The following PCDHGA2 variants were observed in gnomAD, a reference collection of about 807,000 sequenced individuals.
The protein encoded by PCDHGA2 is protocadherin gamma subfamily A, 2.
In PCDHGA2, 40 loss-of-function variants were observed where a neutral mutation model predicts 59.2. The ratio of observed to expected loss-of-function variants is 0.68; its 90% CI spans 0.52 to 0.88. PCDHGA2 has a LOEUF of 0.88. PCDHGA2 is among the 40% of genes least tolerant of loss of function. The pLI, the probability that PCDHGA2 is intolerant of heterozygous loss-of-function variation, is 0.00. For missense variants in PCDHGA2, 1,226 were observed against 1,204.0 expected, an observed-to-expected ratio of 1.02 and a Z score of -0.27; for synonymous variants, 560 against 526.0, an observed-to-expected ratio of 1.06 and a Z score of -0.89.
chr5:141,435,952 G>A lies in PCDHGA2; in HGVS notation c.2425-58855G>A, dbSNP rs944960593. ...TTGCTGCTTCTGAGACCAAAAAAGG[G>A]GGCAAAATATAGAGTGTGTGGTTCT... is the stretch of plus-strand genomic sequence containing the variant. On this transcript the variant is annotated intron_variant, in intron 1 of 3. Transcript: ENST00000394576. Among the ~76,000 whole-genome samples the A allele has an allele frequency of 2.6e-5, 4 of 152,098 alleles. No individual in the cohort carries two copies. The South Asian group carries it at 8.3e-4, about 32-fold the overall frequency.
chr5:141,430,750 G>A (rs746434313), intron 1 of PCDHGA2: 2 of 1,500,586 alleles, frequency 1.3e-6, no homozygotes, highest in Non-Finnish European at 1.8e-6. Context: ...AATTCTGGAG[G>A]AAGATAAGAA....
At position 141,409,564 on chromosome 5, in the gene PCDHGA2, G is replaced by C. The variant is rs374234556; in HGVS notation, c.2424+68169G>C. ...ACGACAACGCCCCAGTTTTCGACCA[G>C]ACGTCCTACGTGGTCCACGTGGCCG... On this transcript the variant is annotated intron_variant, in intron 1 of 3. Coordinates refer to ENST00000394576, the MANE Select transcript of PCDHGA2 (RefSeq NM_018915.4). The C allele has an allele frequency of 4.0e-5, 64 of 1,613,870 alleles. No individual in the cohort carries two copies. Among genetic ancestry groups the C allele is most frequent in the Non-Finnish European group, 5.2e-5 (61 of 1,179,914 alleles).
At chr5:141,386,536 G>C (rs919634660) in intron 1 of PCDHGA2, among the ~76,000 whole-genome samples, 6 of 151,656 alleles carry the variant, frequency 4.0e-5, no homozygotes, top group Admixed American at 6.6e-5. Flanking sequence ...TTTTAGACTA[G>C]TGTTGTATTT....
intron 1 of PCDHGA2, 161 bp from the exon 2 acceptor site, chr5:141,494,646 T>C (rs1324048407): frequency 1.1e-6 from 1 of 935,836 alleles, no homozygotes; most frequent in East Asian, 1.2e-4. Flanking sequence ...AGACCTGAGG[T>C]GTATTTTGTC....
At chr5:141,356,018 C>T in intron 1 of PCDHGA2, 1 of 1,613,878 alleles carries the variant, frequency 6.2e-7, no homozygotes, top group Non-Finnish European at 8.5e-7. Context: ...GATGAAGGAG[C>T]CAATGGAGAC....
intron 1 of PCDHGA2, chr5:141,374,039 G>T (rs187674758): frequency 5.9e-5 from 86 of 1,456,944 alleles, no homozygotes; most frequent in Middle Eastern, 2.5e-4. Context: ...ATGCAGATCT[G>T]TTCTTCCTCT....
At chr5:141,394,883 ACTCTAT>A in intron 1 of PCDHGA2, 1 of 1,611,724 alleles carries the variant, frequency 6.2e-7, no homozygotes, top group Non-Finnish European at 8.5e-7. Context: ...CGAGCCTTAC[ACTCTAT>A]CTCGTGGTGG....
intron 1 of PCDHGA2, chr5:141,374,698 A>G: frequency 6.2e-7 from 1 of 1,609,364 alleles, no homozygotes; most frequent in Non-Finnish European, 8.5e-7. Context: ...GGGAAGGAGA[A>G]GCCGTTTACC....
intron 1 of PCDHGA2, chr5:141,409,291 A>G: frequency 6.2e-7 from 1 of 1,614,000 alleles, no homozygotes; most frequent in Non-Finnish European, 8.5e-7. Context: ...CACCTCCAGG[A>G]ATGGTTGTTG....
chr5:141,475,297 T>C lies in PCDHGA2; in HGVS notation c.2425-19510T>C, dbSNP rs187277570. Among the ~76,000 whole-genome samples the C allele has an allele frequency of 6.5e-4, 99 of 152,360 alleles. 2 individuals are homozygous for C. Among genetic ancestry groups the C allele is most frequent in the African/African-American group, 2.3e-3 (96 of 41,586 alleles). ...TGAAAGACAGGGTAGGGAAATTTCT[T>C]ATTGCTCCCTGGTTCTTAAGAAATG... On this transcript the variant is annotated intron_variant, in intron 1 of 3. Transcript: ENST00000394576.
At chr5:141,366,319 C>T (rs1486100441) in intron 1 of PCDHGA2, 10 of 1,613,662 alleles carry the variant, frequency 6.2e-6, no homozygotes, top group African/African-American at 1.3e-5. Context: ...TCACCGTTGC[C>T]GTGGCCGACA....
At chr5:141,427,856 C>T (rs1487451079) in intron 1 of PCDHGA2, 6 of 1,553,060 alleles carry the variant, frequency 3.9e-6, no homozygotes, top group Non-Finnish European at 5.3e-6. Flanking sequence ...AGCAGCTGTG[C>T]GCCTTCGAGC....
intron 1 of PCDHGA2, chr5:141,396,140 G>A (rs1199993001): frequency 2.0e-5 from 3 of 152,178 alleles, no homozygotes; most frequent in Non-Finnish European, 4.4e-5. Flanking sequence ...TTCTAAATAA[G>A]CTGATCAATT....
intron 1 of PCDHGA2, among the ~76,000 whole-genome samples, chr5:141,460,922 ATATGTGTGTGTG>A: frequency 6.6e-6 from 1 of 151,042 alleles, no homozygotes; most frequent in Non-Finnish European, 1.5e-5. Context: ...GTATATATAT[ATATGTGTGTGTG>A]TATATATATG....
In PCDHGA2 at chr5:141,486,049, C is replaced by T. The variant is rs766853468; in HGVS notation, c.2425-8758C>T. 1 of 1,614,206 alleles carries T rather than the reference C, an allele frequency of 6.2e-7. No homozygotes were observed. The highest frequency in any genetic ancestry group is 8.5e-7 in the Non-Finnish European group (1 of 1,180,034). ...ATACCCCTGATCGTGTAAGAAACCT[C>T]TTTAGCCTGCACCCCACTACTGGAA... On this transcript the variant is annotated intron_variant, in intron 1 of 3. Transcript: ENST00000394576. The surrounding 1 kb of genome is among the most constrained non-coding windows in gnomAD (Gnocchi z 5.0).
At chr5:141,344,663 T>C (rs1561488345) in intron 1 of PCDHGA2, 1 of 1,614,004 alleles carries the variant, frequency 6.2e-7, no homozygotes, top group Admixed American at 1.7e-5. Flanking sequence ...TTCACCAGCT[T>C]GTCCTGGTTG....
chr5:141,359,982 G>A, intron 1 of PCDHGA2: 2 of 872,362 alleles, frequency 2.3e-6, no homozygotes, highest in Non-Finnish European at 3.2e-6. Context: ...GAGCCTCTTA[G>A]AGGGGAACTT....
chr5:141,448,955 A>G (rs929888928), intron 1 of PCDHGA2, among the ~76,000 whole-genome samples: 1 of 152,174 alleles, frequency 6.6e-6, no homozygotes. Flanking sequence ...AAAAAAACAA[A>G]CAAACAAACA....
At chr5:141,392,825 A>T in intron 1 of PCDHGA2, 1 of 1,601,466 alleles carries the variant, frequency 6.2e-7, no homozygotes. Context: ...TGGCCGCTCC[A>T]CAGAGTCGCC....
Sources: allele counts gnomAD v4.1 joint callset (sites outside exome capture counted in the v4.1 genomes callset), GRCh38; gene constraint gnomAD v4.1.1; non-coding constraint Gnocchi (gnomAD v3.1); transcripts MANE v1.5; gene names NCBI Gene and HGNC (gene_info 2026-07-23, HGNC 2026-07-21).